Variants in RNF20 observed in about 807,000 individuals in gnomAD.
The protein encoded by RNF20 is ring finger protein 20.
Under a neutral mutation model 126.2 loss-of-function variants are expected in RNF20, and 84 were observed. That is an observed-to-expected ratio of 0.67 (90% CI 0.56 to 0.80). The LOEUF (loss-of-function observed/expected upper bound fraction) is 0.80. RNF20 is among the 30% of genes least tolerant of loss of function. The pLI, the probability that RNF20 is intolerant of heterozygous loss-of-function variation, is 0.00. For synonymous variants in RNF20, 400 were observed against 414.3 expected (o/e 0.97, Z 0.42); for missense variants, 869 against 1,188.2 (o/e 0.73, Z 3.95).
chr9:101,550,522 C>G lies in RNF20; in HGVS notation c.1093-84C>G, dbSNP rs563986372. ...AAATTGTCTCTCTTGTGTAGGACATCAGTGAGTTCAAAATTTTACTTCCTG... is the reference window on the plus strand; with the variant it reads ...AAATTGTCTCTCTTGTGTAGGACATGAGTGAGTTCAAAATTTTACTTCCTG... On this transcript the variant is annotated intron_variant, in intron 9 of 19. Coordinates refer to ENST00000389120, the MANE Select transcript of RNF20 (RefSeq NM_019592.7). 39 of 1,088,700 alleles carry G rather than the reference C, an allele frequency of 3.6e-5. No homozygotes were observed. The South Asian group carries it at 5.3e-4, about 15-fold the overall frequency. The allele number at this position is 1,088,700 out of a possible 1,614,324, so 67.4% of individuals were successfully genotyped here. A position where few individuals can be genotyped will look rare whatever the true frequency, so the allele number is the denominator to read the frequency against.
In RNF20 at chr9:101,544,721, AAT is replaced by A. The variant is rs761132413; in HGVS notation, c.629-45_629-44del. 4.5e-6 allele frequency: 6 copies of A among 1,338,692 alleles called. No homozygotes were observed. In the South Asian group the frequency reaches 4.8e-5, roughly 11 times the overall value. 82.9% of individuals were successfully genotyped at this position (1,338,692 alleles called of 1,614,324 possible). A position where few individuals can be genotyped will look rare whatever the true frequency, so the allele number is the denominator to read the frequency against. On this transcript the variant is annotated intron_variant, in intron 5 of 19. Transcript: ENST00000389120. ...GACTCCGTCTTAAAAAAAAAAAAAA[AAT>A]GACACTCTAGATGCTAAATTAAAGT...
rs143075627 is a variant in RNF20, at chr9:101,536,243, T to C, written c.129+691T>C. ...ATACCAAAATCTCATAGTAATGTTATATATCTGTTAGACATCAGAAGTTTA... is the reference window on the plus strand; with the variant it reads ...ATACCAAAATCTCATAGTAATGTTACATATCTGTTAGACATCAGAAGTTTA... On this transcript the variant is annotated intron_variant, in intron 2 of 19. Transcript: ENST00000389120. 3.9e-3 allele frequency among the ~76,000 whole-genome samples: 589 copies of C among 152,344 alleles called. 2 individuals are homozygous for C. The highest frequency in any genetic ancestry group is 0.014 in the African/African-American group (562 of 41,570).
chr9:101,554,638 A>AT (rs1827502724), intron 14 of RNF20, 56 bp from the exon 15 acceptor site: 1 of 1,501,036 alleles, frequency 6.7e-7, no homozygotes, highest in South Asian at 1.2e-5. Flanking sequence ...GTATTAATTG[A>AT]TTTTTGAAAA....
rs1415183427 is a variant in RNF20, at chr9:101,540,900, G to A, written c.553G>A (p.Val185Met). The change falls in exon 5 of 20, where the codon GTG becomes ATG. Residue 185 changes from valine to methionine, a missense_variant. Physicochemically the swap from Val to Met is conservative, Grantham distance 21. Around this residue, in one of 8 missense-constraint regions of RNF20, gnomAD observed 157 missense variants for 236.0 expected, o/e 0.67. Coordinates refer to ENST00000389120, the MANE Select transcript of RNF20 (RefSeq NM_019592.7). ...QERVESSRRAVSQIVTVYDKL... is the reference protein window; with the variant it reads ...QERVESSRRAMSQIVTVYDKL... ...ACGTGTGGAGTCTTCCCGCCGAGCCGTGTCCCAGATTGTGACTGTTTATGA... is the reference window on the plus strand; with the variant it reads ...ACGTGTGGAGTCTTCCCGCCGAGCCATGTCCCAGATTGTGACTGTTTATGA... The A allele has an allele frequency of 1.2e-6, 2 of 1,613,994 alleles. No individual in the cohort carries two copies. The highest frequency in any genetic ancestry group is 2.2e-5 in the East Asian group (1 of 44,866).
In RNF20 at chr9:101,560,786, A is replaced by T; in HGVS notation, c.2383-15A>T. ...ATCTTTTCATTTGTGTTAAAATCTG[A>T]TTTTCTGTTCAAAGGTTGATGCCCA... On this transcript the variant is annotated splice_polypyrimidine_tract_variant and intron_variant, in intron 16 of 19. Coordinates refer to ENST00000389120, the MANE Select transcript of RNF20 (RefSeq NM_019592.7). 1 of 1,588,658 alleles carries T rather than the reference A, an allele frequency of 6.3e-7. No homozygotes were observed. The highest frequency in any genetic ancestry group is 8.5e-7 in the Non-Finnish European group (1 of 1,172,946).
chr9:101,559,580 T>C (rs901065825), intron 16 of RNF20, among the ~76,000 whole-genome samples: 1 of 152,234 alleles, frequency 6.6e-6, no homozygotes, highest in Non-Finnish European at 1.5e-5. Context: ...CTTTCAGCAG[T>C]GTTTTGTAAT....
chr9:101,536,246 A>G (rs1036421103), intron 2 of RNF20, among the ~76,000 whole-genome samples: 1 of 152,208 alleles, frequency 6.6e-6, no homozygotes, highest in Non-Finnish European at 1.5e-5. Context: ...AATGTTATAT[A>G]TCTGTTAGAC....
At chr9:101,541,017 T>A in intron 5 of RNF20, 42 bp downstream of exon 5, 2 of 1,481,080 alleles carry the variant, frequency 1.4e-6, no homozygotes, top group Non-Finnish European at 1.9e-6. Context: ...GGAGGAGGAA[T>A]AAGAATTCAT....
chr9:101,557,688 T>C (rs946447256), intron 16 of RNF20, 92 bp downstream of exon 16: 61 of 1,011,946 alleles, frequency 6.0e-5, no homozygotes, highest in Non-Finnish European at 7.9e-5. Context: ...GTGGCACATT[T>C]TTGTGATTGG....
At position 101,540,552 on chromosome 9, in the gene RNF20, A is replaced by T. The variant is rs61760888; in HGVS notation, c.360A>T (p.Leu120=). The T allele has an allele frequency of 6.2e-7, 1 of 1,613,920 alleles. No individual in the cohort carries two copies. The highest frequency in any genetic ancestry group is 1.7e-5 in the Admixed American group (1 of 60,010). The stretch of plus-strand genomic sequence containing the variant: ...ATCTGGAGCAGGGCTTGGGAGACCT[A>T]CTCACAGAACGAAAAGCCCTTGTTG... ...RYDLEQGLGD[L]LTERKALVVP... Residue 120 remains leucine (L), a synonymous_variant, in exon 4 of 20, where the codon CTA becomes CTT. Transcript: ENST00000389120.
chr9:101,553,089 C>T (rs143400853), intron 13 of RNF20, among the ~76,000 whole-genome samples: 53 of 152,154 alleles, frequency 3.5e-4, no homozygotes, highest in African/African-American at 9.9e-4. Context: ...AGATTGCTGG[C>T]GTTAATTGTA....
chr9:101,561,070 T>C lies in RNF20; in HGVS notation c.2509-20T>C, dbSNP rs766678279. ...TAATAGGTGATACAATGGTGTCACT[T>C]ATTTGTACATCCTACATAGGCAATG... On this transcript the variant is annotated intron_variant, in intron 17 of 19. Transcript: ENST00000389120. 1 of 1,611,872 alleles carries C rather than the reference T, an allele frequency of 6.2e-7. No individual in the cohort carries two copies. The highest frequency in any genetic ancestry group is 1.3e-5 in the African/African-American group (1 of 74,824).
At chr9:101,534,980 T>C (rs901142745) in intron 1 of RNF20, among the ~76,000 whole-genome samples, 2 of 151,220 alleles carry the variant, frequency 1.3e-5, no homozygotes, top group Admixed American at 1.3e-4. Flanking sequence ...CGATCTCGGC[T>C]CACTGCAAGC....
rs1454165038 is a variant in RNF20, at chr9:101,546,969, C to A, written c.894+3C>A. On this transcript the variant is annotated splice_donor_region_variant and intron_variant, in intron 7 of 19. Coordinates refer to ENST00000389120, the MANE Select transcript of RNF20 (RefSeq NM_019592.7). ...ACTTAGCAGAAGTCCTAGAACGGGT[C>A]AGTGCTGTTTTATGGCTTGGAGACT... is the stretch of plus-strand genomic sequence containing the variant. The A allele has an allele frequency of 1.2e-6, 2 of 1,613,842 alleles. No homozygotes were observed. Among genetic ancestry groups the A allele is most frequent in the African/African-American group, 1.3e-5 (1 of 74,894 alleles).
chr9:101,549,118 TAAAAG>T (rs954555864), intron 9 of RNF20, among the ~76,000 whole-genome samples: 4 of 152,070 alleles, frequency 2.6e-5, no homozygotes, highest in East Asian at 3.9e-4. Flanking sequence ...GACAAAGAGA[TAAAAG>T]AAAAGGCAGC....
At chr9:101,540,085 A>G (rs1827235305) in intron 2 of RNF20, 118 bp from the exon 3 acceptor site, 3 of 980,128 alleles carry the variant, frequency 3.1e-6, no homozygotes, top group Non-Finnish European at 3.0e-6. Flanking sequence ...AAGATTTTTT[A>G]AAAGTCAATA....
intron 11 of RNF20, 24 bp downstream of exon 11, chr9:101,551,843 T>G: frequency 6.3e-7 from 1 of 1,588,660 alleles, no homozygotes. Flanking sequence ...CACTCCATGC[T>G]GTAGTTTGCT....
chr9:101,542,066 C>T (rs1827267082), intron 5 of RNF20, among the ~76,000 whole-genome samples: 1 of 152,190 alleles, frequency 6.6e-6, no homozygotes, highest in South Asian at 2.1e-4. Flanking sequence ...CCTTTCATTT[C>T]TGAAGGAAAT....
chr9:101,559,486 G>A (rs1409163919), intron 16 of RNF20, among the ~76,000 whole-genome samples: 12 of 152,150 alleles, frequency 7.9e-5, no homozygotes, highest in African/African-American at 2.9e-4. Flanking sequence ...ATTGCTTTTG[G>A]CAGTATGGTC....
Sources: gnomAD v4.1 joint callset for allele counts (sites outside exome capture counted in the v4.1 genomes callset) on GRCh38, gnomAD v4.1.1 for gene constraint, gnomAD v4.1.1 regional missense constraint, MANE v1.5 for transcripts, NCBI Gene and HGNC (gene_info 2026-07-23, HGNC 2026-07-21) for gene names.